The following SEMA5A variants were observed in gnomAD, a reference collection of about 807,000 sequenced individuals.
The protein encoded by SEMA5A is semaphorin-5A.
A neutral mutation model predicts 135.5 loss-of-function variants in SEMA5A; 55 were observed. That is an observed-to-expected ratio of 0.41 (90% CI 0.33 to 0.51). SEMA5A has a LOEUF of 0.51. Among genes scored for constraint, SEMA5A ranks in the 20% least tolerant of loss-of-function variants. The pLI, the probability that SEMA5A is intolerant of heterozygous loss-of-function variation, is 0.37. For missense variants in SEMA5A, 1,290 were observed against 1,419.9 expected (o/e 0.91, Z 1.47); for synonymous variants, 580 against 546.5 (o/e 1.06, Z -0.85).
intron 1 of SEMA5A, among the ~76,000 whole-genome samples, chr5:9,489,979 T>C (rs1734921728): frequency 6.6e-6 from 1 of 152,150 alleles, no homozygotes; most frequent in Non-Finnish European, 1.5e-5. Flanking sequence ...ACATGGAAGT[T>C]GGCAGGCTAG....
chr5:9,190,489 C>T lies in SEMA5A; in HGVS notation c.1069-18G>A. On this transcript the variant is annotated intron_variant, in intron 10 of 22. Coordinates refer to ENST00000382496, the MANE Select transcript of SEMA5A (RefSeq NM_003966.3). The stretch of plus-strand genomic sequence containing the variant: ...GTGCCACACTGAAAGGGAAGACGGG[C>T]CAGGTTACCAGAGCCGGCAGCCTGG... 1.2e-6 allele frequency: 2 copies of T among 1,609,658 alleles called. No individual in the cohort carries two copies. The highest frequency in any genetic ancestry group is 1.3e-5 in the African/African-American group (1 of 74,938).
At chr5:9,198,999 A>G (rs767020198) in intron 9 of SEMA5A, among the ~76,000 whole-genome samples, 5 of 152,170 alleles carry the variant, frequency 3.3e-5, no homozygotes, top group African/African-American at 4.8e-5. Context: ...CCTGACTTAC[A>G]GGTAAGAAAA....
intron 3 of SEMA5A, 119 bp downstream of exon 3, chr5:9,379,704 G>T (rs1371189236): frequency 8.1e-6 from 10 of 1,234,118 alleles, no homozygotes; most frequent in Admixed American, 5.0e-5. Context: ...TTTAAACTGT[G>T]TCTGAAACAA....
chr5:9,154,575 A>G lies in SEMA5A; in HGVS notation c.1394T>C (p.Leu465Pro). The part of the protein sequence containing the change: ...RREPIRSLQI[L>P]HSQSVLFVGL... Reference sequence around the variant, plus strand: ...CACGAACAGGACACTCTGGCTGTGCAGGATCTGCAGGCTCCTGATGGGCTC... The same window carrying G: ...CACGAACAGGACACTCTGGCTGTGCGGGATCTGCAGGCTCCTGATGGGCTC... The change falls in exon 12 of 23, where the codon CTG becomes CCG. Residue 465 changes from leucine to proline, a missense_variant. By Grantham distance (98) the Leu-to-Pro change is moderately conservative. Around this residue, in one of 3 missense-constraint regions of SEMA5A, gnomAD observed 1,029 missense variants for 1,086.6 expected, o/e 0.95. Transcript: ENST00000382496. 6.2e-7 allele frequency: 1 copy of G among 1,613,682 alleles called. No individual in the cohort carries two copies. Among genetic ancestry groups the G allele is most frequent in the Non-Finnish European group, 8.5e-7 (1 of 1,179,970 alleles).
intron 6 of SEMA5A, among the ~76,000 whole-genome samples, chr5:9,228,059 G>T (rs40666): frequency 0.29 from 44,441 of 152,026 alleles, 7,084 homozygotes; most frequent in African/African-American, 0.41. Context: ...TATTCAGCAA[G>T]CATTCACTGA....
chr5:9,346,912 GTGTATA>G (rs70943954), intron 3 of SEMA5A, among the ~76,000 whole-genome samples: 23,088 of 149,832 alleles, frequency 0.15, 1,945 homozygotes, highest in Middle Eastern at 0.25. Context: ...GTGTGTGTGT[GTGTATA>G]TATATATATA....
chr5:9,312,205 A>G (rs369829596), intron 5 of SEMA5A, among the ~76,000 whole-genome samples: 1 of 152,266 alleles, frequency 6.6e-6, no homozygotes, highest in African/African-American at 2.4e-5. Context: ...GATTAAGGCA[A>G]GAAGAAAACT....
chr5:9,526,632 GC>G (rs771835458), intron 1 of SEMA5A, among the ~76,000 whole-genome samples: 1 of 152,204 alleles, frequency 6.6e-6, no homozygotes, highest in Non-Finnish European at 1.5e-5. Flanking sequence ...TGAGCCATCA[GC>G]AACTGAAGGT....
intron 2 of SEMA5A, among the ~76,000 whole-genome samples, chr5:9,381,849 T>C (rs943329690): frequency 1.2e-4 from 19 of 152,108 alleles, no homozygotes; most frequent in Middle Eastern, 3.4e-3. Context: ...GGACTTAAGA[T>C]AGATAATGTA....
intron 1 of SEMA5A, among the ~76,000 whole-genome samples, chr5:9,520,747 A>G (rs1736782282): frequency 6.6e-6 from 1 of 152,214 alleles, no homozygotes; most frequent in African/African-American, 2.4e-5. Context: ...GAAAAACCTC[A>G]GACACAGCCA....
At chr5:9,181,284 A>G (rs183733958) in intron 11 of SEMA5A, among the ~76,000 whole-genome samples, 1 of 152,320 alleles carries the variant, frequency 6.6e-6, no homozygotes, top group Non-Finnish European at 1.5e-5. Flanking sequence ...AGCCACATTC[A>G]TAGGTTCACA....
chr5:9,266,099 C>T (rs1183631726), intron 5 of SEMA5A, among the ~76,000 whole-genome samples: 5 of 152,230 alleles, frequency 3.3e-5, no homozygotes, highest in African/African-American at 9.6e-5. Flanking sequence ...ACTGTATGAG[C>T]TCCAAATACT....
At chr5:9,379,067 T>A (rs957798197) in intron 3 of SEMA5A, among the ~76,000 whole-genome samples, 12 of 152,302 alleles carry the variant, frequency 7.9e-5, no homozygotes, top group Middle Eastern at 3.4e-3. Flanking sequence ...ATTCTTTCTT[T>A]TTTTGTGCTC....
intron 4 of SEMA5A, among the ~76,000 whole-genome samples, chr5:9,328,306 C>T (rs1024173611): frequency 2.0e-5 from 3 of 152,246 alleles, no homozygotes; most frequent in Non-Finnish European, 4.4e-5. Flanking sequence ...CCATGCCTCG[C>T]TCCAAATTCT....
At chr5:9,276,362 A>G (rs1750261003) in intron 5 of SEMA5A, among the ~76,000 whole-genome samples, 14 of 152,214 alleles carry the variant, frequency 9.2e-5, no homozygotes, top group Admixed American at 9.2e-4. Context: ...AAGAATCAAT[A>G]TTGTGAAAAT....
chr5:9,304,172 T>C (rs1421185821), intron 5 of SEMA5A, among the ~76,000 whole-genome samples: 1 of 152,150 alleles, frequency 6.6e-6, no homozygotes, highest in South Asian at 2.1e-4. Flanking sequence ...TGTATACCTA[T>C]TTATCTTTGT....
intron 11 of SEMA5A, among the ~76,000 whole-genome samples, chr5:9,189,849 G>A (rs554121946): frequency 6.6e-5 from 10 of 152,244 alleles, no homozygotes; most frequent in East Asian, 3.9e-4. Context: ...CACCATCCAC[G>A]CAAATATTTT....
chr5:9,224,891 T>C lies in SEMA5A; in HGVS notation c.433-4A>G. On this transcript the variant is annotated splice_region_variant and splice_polypyrimidine_tract_variant and intron_variant, in intron 7 of 22. Coordinates refer to ENST00000382496, the MANE Select transcript of SEMA5A (RefSeq NM_003966.3). ...GGATCTCAGTCAGGTTGCTCAACTG[T>C]GGGGGAGGATGAGAGGGAAAGCAGT... The C allele has an allele frequency of 6.2e-7, 1 of 1,609,842 alleles. No homozygotes were observed. Among genetic ancestry groups the C allele is most frequent in the Non-Finnish European group, 8.5e-7 (1 of 1,177,648 alleles).
rs150698691 is a variant in SEMA5A, at chr5:9,355,744, G to A, written c.125-17932C>T. Among the ~76,000 whole-genome samples the A allele has an allele frequency of 1.2e-3, 188 of 152,280 alleles. 1 individual carries two copies. Among genetic ancestry groups the A allele is most frequent in the Admixed American group, 2.4e-3 (36 of 15,302 alleles). The stretch of plus-strand genomic sequence containing the variant: ...TTAATACGGTGCTAGAGGTGACATC[G>A]AGGTGAGGAACGACAGAAGGAGAAG... On this transcript the variant is annotated intron_variant, in intron 3 of 22. Transcript: ENST00000382496.
Sources: allele counts gnomAD v4.1 joint callset (sites outside exome capture counted in the v4.1 genomes callset), GRCh38; gene constraint gnomAD v4.1.1; regional missense constraint gnomAD v4.1.1; transcripts MANE v1.5; gene names NCBI Gene and HGNC (gene_info 2026-07-23, HGNC 2026-07-21).